DCLK1: variants seen among roughly 807,000 people sequenced by gnomAD.
DCLK1 encodes doublecortin like kinase 1, also known as serine/threonine-protein kinase DCLK1.
In DCLK1, 16 loss-of-function variants were observed where a neutral mutation model predicts 86.2. The ratio of observed to expected loss-of-function variants is 0.19; its 90% CI spans 0.13 to 0.28. The LOEUF (loss-of-function observed/expected upper bound fraction) is 0.28. Among genes scored for constraint, DCLK1 ranks in the 10% least tolerant of loss-of-function variants. The pLI is 1.00. For missense variants in DCLK1, 590 were observed against 940.2 expected (o/e 0.63, Z 4.87); for synonymous variants, 369 against 370.5 (o/e 1.00, Z 0.05).
In DCLK1 at chr13:36,086,434, A is replaced by G. The variant is rs113727339; in HGVS notation, c.723+25435T>C. ...ACTGGCTGGCACTACAGCTGGAAAT[A>G]AAATGTTTCCTCAACAGCTTTTTTT... On this transcript the variant is annotated intron_variant, in intron 3 of 16. Transcript: ENST00000360631. 3.3e-5 allele frequency among the ~76,000 whole-genome samples: 5 copies of G among 150,876 alleles called. 1 individual carries two copies. Among genetic ancestry groups the G allele is most frequent in the African/African-American group, 1.2e-4 (5 of 41,204 alleles).
intron 3 of DCLK1, among the ~76,000 whole-genome samples, chr13:35,989,085 G>T (rs902474724): frequency 9.9e-5 from 15 of 152,218 alleles, no homozygotes; most frequent in Middle Eastern, 3.4e-3. Flanking sequence ...TGATTTAGAA[G>T]ATAATAGGGG....
chr13:35,781,832 T>C (rs2086531156), intron 16 of DCLK1, among the ~76,000 whole-genome samples: 1 of 152,214 alleles, frequency 6.6e-6, no homozygotes, highest in Non-Finnish European at 1.5e-5. Context: ...GGGACTACAT[T>C]ACGATTTGCT....
At chr13:35,892,143 T>G (rs1003998238) in intron 4 of DCLK1, among the ~76,000 whole-genome samples, 2 of 152,170 alleles carry the variant, frequency 1.3e-5, no homozygotes, top group African/African-American at 2.4e-5. Context: ...CACCGTGTTA[T>G]GCAATCACTA....
chr13:35,961,840 G>A (rs1247317066), intron 3 of DCLK1, among the ~76,000 whole-genome samples: 3 of 152,104 alleles, frequency 2.0e-5, no homozygotes, highest in East Asian at 1.9e-4. Flanking sequence ...AAATTTCAAC[G>A]TGTTATCCAC....
rs756094360 is a variant in DCLK1 at position 35,917,394 on chromosome 13, C to T, written c.823+29964G>A. 2.6e-5 allele frequency among the ~76,000 whole-genome samples: 4 copies of T among 152,204 alleles called. No individual in the cohort carries two copies. The East Asian group carries it at 5.8e-4, about 22-fold the overall frequency. On this transcript the variant is annotated intron_variant, in intron 4 of 16. Coordinates refer to ENST00000360631, the MANE Select transcript of DCLK1 (RefSeq NM_001330071.2). ...TTTGTTCGGTTTTGTTTGCTATTGT[C>T]GGGCCCTCAAATAGCATTTCCTGTG...
intron 14 of DCLK1, 139 bp from the exon 15 acceptor site, chr13:35,805,918 T>C: frequency 1.7e-6 from 1 of 590,208 alleles, no homozygotes; most frequent in Non-Finnish European, 2.7e-6. Flanking sequence ...TCCACTTACC[T>C]GTGGCTATTT....
intron 3 of DCLK1, among the ~76,000 whole-genome samples, chr13:36,072,536 G>A (rs552284113): frequency 4.3e-4 from 65 of 152,240 alleles, no homozygotes; most frequent in African/African-American, 1.3e-3. Flanking sequence ...GAATTCCAGC[G>A]TTGTAGCCAA....
chr13:35,989,334 C>T (rs906718379), intron 3 of DCLK1, among the ~76,000 whole-genome samples: 2 of 152,104 alleles, frequency 1.3e-5, no homozygotes, highest in East Asian at 1.9e-4. Flanking sequence ...TGCAGTGACA[C>T]GATGTCGACT....
At chr13:35,961,679 C>T (rs1878471185) in intron 3 of DCLK1, among the ~76,000 whole-genome samples, 1 of 152,090 alleles carries the variant, frequency 6.6e-6, no homozygotes, top group Admixed American at 6.5e-5. Context: ...TTGTCCACGC[C>T]AATCATAACT....
At chr13:35,879,500 A>T (rs1245119089) in intron 4 of DCLK1, among the ~76,000 whole-genome samples, 1 of 152,204 alleles carries the variant, frequency 6.6e-6, no homozygotes, top group Non-Finnish European at 1.5e-5. Flanking sequence ...TAACAGTCAC[A>T]TAAGAGAAAA....
chr13:36,110,479 T>G (rs961436774), intron 3 of DCLK1, among the ~76,000 whole-genome samples: 3 of 152,196 alleles, frequency 2.0e-5, no homozygotes, highest in African/African-American at 7.2e-5. Context: ...TAATGAATTT[T>G]ATAATTTAGA....
rs79648222 is a variant in DCLK1, at chr13:35,769,289, T to A, written c.*5246A>T. 6.6e-6 allele frequency: 1 copy of A among 152,170 alleles called. No homozygotes were observed. The highest frequency in any genetic ancestry group is 1.5e-5 in the Non-Finnish European group (1 of 68,030). 9.4% of individuals were successfully genotyped at this position (152,170 alleles called of 1,614,324 possible). A position where few individuals can be genotyped will look rare whatever the true frequency, so the allele number is the denominator to read the frequency against. ...CAGTATTTTCAAAAGAAATATTGAA[T>A]TTTTTTCTTGAGTCAAATTGAAACC... On this transcript the variant is annotated 3_prime_UTR_variant, in exon 17 of 17. Coordinates refer to ENST00000360631, the MANE Select transcript of DCLK1 (RefSeq NM_001330071.2).
intron 3 of DCLK1, among the ~76,000 whole-genome samples, chr13:36,035,873 T>C (rs553929423): frequency 1.2e-4 from 18 of 152,190 alleles, no homozygotes; most frequent in Non-Finnish European, 2.5e-4. Flanking sequence ...AAAAAAGGTA[T>C]CAGAGAGATT....
chr13:36,110,884 G>A (rs1006113301), intron 3 of DCLK1, among the ~76,000 whole-genome samples: 17 of 142,336 alleles, frequency 1.2e-4, no homozygotes, highest in African/African-American at 4.5e-4. Flanking sequence ...AGGCTGGAGT[G>A]CAGTGGTGCG....
intron 6 of DCLK1, among the ~76,000 whole-genome samples, chr13:35,842,985 C>T (rs9574734): frequency 5.9e-5 from 9 of 152,140 alleles, no homozygotes; most frequent in African/African-American, 1.7e-4. Context: ...GAAAGGATTT[C>T]GAACATAGTA....
intron 3 of DCLK1, among the ~76,000 whole-genome samples, chr13:35,986,985 A>G (rs1049241387): frequency 1.1e-4 from 16 of 152,194 alleles, no homozygotes; most frequent in African/African-American, 3.9e-4. Context: ...TTGCACTGAA[A>G]AGGTTTAATG....
intron 3 of DCLK1, among the ~76,000 whole-genome samples, chr13:36,069,478 G>C (rs1334733438): frequency 3.3e-5 from 5 of 152,082 alleles, no homozygotes; most frequent in Non-Finnish European, 5.9e-5. Flanking sequence ...CACATATCAG[G>C]CCACTTGAAA....
intron 3 of DCLK1, among the ~76,000 whole-genome samples, chr13:36,094,360 T>C (rs1884931199): frequency 2.0e-5 from 3 of 152,218 alleles, no homozygotes; most frequent in Non-Finnish European, 2.9e-5. Flanking sequence ...TCACCTCCTA[T>C]ATTTAACCAA....
intron 16 of DCLK1, among the ~76,000 whole-genome samples, chr13:35,787,589 T>C (rs1410714770): frequency 5.9e-5 from 9 of 152,090 alleles, no homozygotes; most frequent in Non-Finnish European, 1.0e-4. Flanking sequence ...TTACAAGATA[T>C]TGAAAAATAA....
Sources: gnomAD v4.1 joint callset for allele counts (sites outside exome capture counted in the v4.1 genomes callset) on GRCh38, gnomAD v4.1.1 for gene constraint, MANE v1.5 for transcripts, NCBI Gene and HGNC (gene_info 2026-07-23, HGNC 2026-07-21) for gene names.